The following SORCS3 variants were observed in gnomAD, a reference collection of about 807,000 sequenced individuals.
SORCS3 encodes the protein VPS10 domain-containing receptor SorCS3.
In SORCS3, 57 loss-of-function variants were observed where a neutral mutation model predicts 146.3. The ratio of observed to expected loss-of-function variants is 0.39; its 90% CI spans 0.31 to 0.49. The LOEUF is 0.49. SORCS3 is among the 20% of genes least tolerant of loss of function. The pLI is 0.92. For missense variants in SORCS3, 1,341 were observed against 1,575.5 expected, an observed-to-expected ratio of 0.85 and a Z score of 2.52; for synonymous variants, 653 against 618.5, an observed-to-expected ratio of 1.06 and a Z score of -0.83.
intron 5 of SORCS3, among the ~76,000 whole-genome samples, chr10:105,081,603 G>A (rs2055626265): frequency 6.6e-6 from 1 of 152,150 alleles, no homozygotes; most frequent in Admixed American, 6.5e-5. Context: ...TTTGCACAAA[G>A]GGTTAAGTTG....
intron 1 of SORCS3, among the ~76,000 whole-genome samples, chr10:104,819,169 G>A (rs367795572): frequency 1.6e-4 from 24 of 152,130 alleles, no homozygotes; most frequent in African/African-American, 5.1e-4. Context: ...GGGGGTGCAC[G>A]TCAGTGTGTA....
chr10:104,686,902 C>T (rs2016050362), intron 1 of SORCS3, among the ~76,000 whole-genome samples: 1 of 151,106 alleles, frequency 6.6e-6, no homozygotes, highest in African/African-American at 2.4e-5. Flanking sequence ...TCCATGCATC[C>T]GTCTTTCCAT....
chr10:104,933,724 C>T (rs1410131056), intron 3 of SORCS3, among the ~76,000 whole-genome samples: 1 of 152,178 alleles, frequency 6.6e-6, no homozygotes, highest in African/African-American at 2.4e-5. Flanking sequence ...TTATCATTCC[C>T]ATCTTTATGC....
chr10:105,140,942 G>C (rs183264549), intron 8 of SORCS3, among the ~76,000 whole-genome samples: 6 of 152,258 alleles, frequency 3.9e-5, no homozygotes, highest in South Asian at 2.1e-4. Flanking sequence ...GAGAAGGTTA[G>C]AAAGGGGAAA....
chr10:104,651,533 TAAAA>T (rs34352025), intron 1 of SORCS3, among the ~76,000 whole-genome samples: 2 of 112,674 alleles, frequency 1.8e-5, no homozygotes, highest in African/African-American at 7.0e-5. Flanking sequence ...CGGGCTCTAC[TAAAA>T]AAAAAAAAAA....
chr10:104,672,069 T>C (rs919221085), intron 1 of SORCS3, among the ~76,000 whole-genome samples: 3 of 152,230 alleles, frequency 2.0e-5, no homozygotes, highest in Non-Finnish European at 4.4e-5. Flanking sequence ...TCTTTAAATA[T>C]TTGGTAGAAT....
At chr10:104,860,466 G>A (rs1277479727) in intron 2 of SORCS3, among the ~76,000 whole-genome samples, 1 of 146,722 alleles carries the variant, frequency 6.8e-6, no homozygotes, top group Non-Finnish European at 1.5e-5. Flanking sequence ...TATACCTAAT[G>A]CTAAATGACG....
In SORCS3 at chr10:105,082,655, G is replaced by A. The variant is rs180974748; in HGVS notation, c.1029-7120G>A. ...AGACTGGAAAAATCTACTGGAAAAC[G>A]TTAGTTTTTCCCCAGTCATTAATGT... On this transcript the variant is annotated intron_variant, in intron 5 of 26. Coordinates refer to ENST00000369701, the MANE Select transcript of SORCS3 (RefSeq NM_014978.3). 6.2e-4 allele frequency among the ~76,000 whole-genome samples: 94 copies of A among 152,260 alleles called. 2 individuals carry two copies. Among genetic ancestry groups the A allele is most frequent in the Admixed American group, 6.1e-3 (94 of 15,296 alleles).
At chr10:105,233,366 CA>C (rs143160688) in intron 20 of SORCS3, among the ~76,000 whole-genome samples, 17,017 of 152,024 alleles carry the variant, frequency 0.11, 1,300 homozygotes, top group Non-Finnish European at 0.17. Context: ...TTATGTTGAA[CA>C]AATTTTTTTT....
chr10:104,951,888 A>T (rs948070626), intron 3 of SORCS3, among the ~76,000 whole-genome samples: 1 of 152,138 alleles, frequency 6.6e-6, no homozygotes, highest in African/African-American at 2.4e-5. Context: ...TGGGCTTAGC[A>T]AATTGTGCTA....
At chr10:104,851,682 A>T (rs1467208875) in intron 2 of SORCS3, among the ~76,000 whole-genome samples, 1 of 152,214 alleles carries the variant, frequency 6.6e-6, no homozygotes, top group African/African-American at 2.4e-5. Flanking sequence ...AAAGAAAAAA[A>T]TTCAACTCAC....
rs74157449 is a variant in SORCS3 at position 105,132,401 on chromosome 10, T to C, written c.1213-6996T>C. ...GAATATAAACTCAAAAATATTTGCT[T>C]CTGACTCTCTTCTAAGATTACCTAT... On this transcript the variant is annotated intron_variant, in intron 7 of 26. Coordinates refer to ENST00000369701, the MANE Select transcript of SORCS3 (RefSeq NM_014978.3). 3.3e-3 allele frequency among the ~76,000 whole-genome samples: 498 copies of C among 152,302 alleles called. 4 individuals carry two copies. The highest frequency in any genetic ancestry group is 0.011 in the African/African-American group (452 of 41,562).
chr10:104,843,319 A>T (rs1209733468), intron 2 of SORCS3, among the ~76,000 whole-genome samples: 1 of 152,196 alleles, frequency 6.6e-6, no homozygotes, highest in Non-Finnish European at 1.5e-5. Context: ...GAAGAGATAC[A>T]GATACAAGTC....
At chr10:104,843,158 C>G (rs1233765252) in intron 2 of SORCS3, among the ~76,000 whole-genome samples, 5 of 152,116 alleles carry the variant, frequency 3.3e-5, no homozygotes. Flanking sequence ...GATAAACATG[C>G]ACGAGTAGAG....
chr10:104,651,932 G>C (rs1273382569), intron 1 of SORCS3, among the ~76,000 whole-genome samples: 1 of 152,124 alleles, frequency 6.6e-6, no homozygotes, highest in Non-Finnish European at 1.5e-5. Context: ...ACCAATGACT[G>C]GTAGGAGTTG....
At position 105,163,973 on chromosome 10, in the gene SORCS3, C is replaced by T. The variant is rs181309848; in HGVS notation, c.1733-330C>T. 2.6e-5 allele frequency among the ~76,000 whole-genome samples: 4 copies of T among 152,096 alleles called. No individual in the cohort carries two copies. The East Asian group carries it at 7.7e-4, about 29-fold the overall frequency. ...ATTTCTCCATATGTGTCTACTCTTC[C>T]ACTCTTTGCTTCCTTCAGGGGACAC... On this transcript the variant is annotated intron_variant, in intron 11 of 26. Coordinates refer to ENST00000369701, the MANE Select transcript of SORCS3 (RefSeq NM_014978.3).
At chr10:105,081,273 T>C (rs571343704) in intron 5 of SORCS3, among the ~76,000 whole-genome samples, 1 of 152,264 alleles carries the variant, frequency 6.6e-6, no homozygotes, top group Non-Finnish European at 1.5e-5. Flanking sequence ...GTTTTTGCCC[T>C]GGAAATAATA....
chr10:104,709,017 C>T (rs1197835379), intron 1 of SORCS3, among the ~76,000 whole-genome samples: 2 of 152,206 alleles, frequency 1.3e-5, no homozygotes, highest in Non-Finnish European at 2.9e-5. Flanking sequence ...CTGCCTTGGC[C>T]ACCTGGCCCA....
At chr10:105,154,365 C>T (rs2056190602) in intron 9 of SORCS3, among the ~76,000 whole-genome samples, 1 of 152,196 alleles carries the variant, frequency 6.6e-6, no homozygotes, top group African/African-American at 2.4e-5. Flanking sequence ...CTTCTTTGTC[C>T]TGAGGTCTCT....
Sources: gnomAD v4.1 joint callset for allele counts (sites outside exome capture counted in the v4.1 genomes callset) on GRCh38, gnomAD v4.1.1 for gene constraint, MANE v1.5 for transcripts, NCBI Gene and HGNC (gene_info 2026-07-23, HGNC 2026-07-21) for gene names.